The following PCDHGA4 variants were observed in gnomAD, a reference collection of about 807,000 sequenced individuals.
PCDHGA4 encodes the protein protocadherin gamma subfamily A, 4, also known as protocadherin gamma-A4.
Under a neutral mutation model 54.6 loss-of-function variants are expected in PCDHGA4, and 38 were observed. That is an observed-to-expected ratio of 0.70 (90% CI 0.54 to 0.91). PCDHGA4 has a LOEUF of 0.91. PCDHGA4 is among the 40% of genes least tolerant of loss of function. The pLI is 0.00. For missense variants in PCDHGA4, 1,298 were observed against 1,220.9 expected (o/e 1.06, Z -0.94); for synonymous variants, 511 against 512.9 (o/e 1.00, Z 0.05).
intron 1 of PCDHGA4, chr5:141,399,064 A>G: frequency 1.2e-6 from 2 of 1,613,762 alleles, no homozygotes; most frequent in Non-Finnish European, 1.7e-6. Flanking sequence ...GGAATATTCA[A>G]TGGTTGTAGA....
intron 1 of PCDHGA4, chr5:141,428,173 CGGA>C (rs770477048): frequency 1.3e-6 from 2 of 1,514,730 alleles, no homozygotes. Context: ...CTGTGCGTGA[CGGA>C]GGACAGCCGC....
chr5:141,403,333 C>G (rs376895778), intron 1 of PCDHGA4: 1 of 1,613,984 alleles, frequency 6.2e-7, no homozygotes, highest in South Asian at 1.1e-5. Context: ...CTGATATTAA[C>G]GACAGCGCCC....
chr5:141,474,405 G>C (rs2099348833), intron 1 of PCDHGA4, among the ~76,000 whole-genome samples: 1 of 152,196 alleles, frequency 6.6e-6, no homozygotes, highest in Admixed American at 6.5e-5. Context: ...AAGCTCCCCG[G>C]TGATGCCTAG....
intron 1 of PCDHGA4, chr5:141,378,086 T>G (rs1774615238): frequency 6.6e-6 from 1 of 150,862 alleles, no homozygotes. Context: ...TTTTATAACT[T>G]TTTTTCAAAC....
At position 141,491,099 on chromosome 5, in the gene PCDHGA4, T is replaced by C. The variant is rs1352561414; in HGVS notation, c.2515-3708T>C. 1 of 1,614,176 alleles carries C rather than the reference T, an allele frequency of 6.2e-7. No homozygotes were observed. ...CAGTCCACAGCCCCAGGACTGTTCC[T>C]CGTGTCTACACACACTGGTGAGGTG... On this transcript the variant is annotated intron_variant, in intron 1 of 3. Coordinates refer to ENST00000571252, the MANE Select transcript of PCDHGA4 (RefSeq NM_018917.4). The surrounding 1 kb of genome is among the most constrained non-coding windows in gnomAD (Gnocchi z 6.9).
chr5:141,415,739 G>A, intron 1 of PCDHGA4: 4 of 434,948 alleles, frequency 9.2e-6, no homozygotes, highest in Non-Finnish European at 1.3e-5. Context: ...TGTTTATTAA[G>A]GTTTTTTTTT....
chr5:141,468,920 A>G (rs2099185605), intron 1 of PCDHGA4, among the ~76,000 whole-genome samples: 1 of 151,612 alleles, frequency 6.6e-6, no homozygotes, highest in South Asian at 2.1e-4. Context: ...AGAAGAGAAT[A>G]GCACTAAAAT....
intron 1 of PCDHGA4, chr5:141,370,610 G>T (rs547118708): frequency 1.9e-6 from 3 of 1,613,986 alleles, no homozygotes; most frequent in Middle Eastern, 1.6e-4. Context: ...TTGCAGAGAA[G>T]AAATTCTTTA....
chr5:141,361,388 A>G (rs373182240), intron 1 of PCDHGA4: 1 of 1,613,880 alleles, frequency 6.2e-7, no homozygotes, highest in Non-Finnish European at 8.5e-7. Context: ...ATCCCAGAAT[A>G]CAATCTCACC....
intron 1 of PCDHGA4, chr5:141,365,631 C>G (rs973353724): frequency 6.2e-7 from 1 of 1,613,644 alleles, no homozygotes; most frequent in African/African-American, 1.3e-5. Flanking sequence ...CCCCTCTCTA[C>G]AGAAAGCCAC....
intron 1 of PCDHGA4, chr5:141,360,273 C>A (rs1007767889): frequency 6.2e-7 from 1 of 1,613,890 alleles, no homozygotes; most frequent in Non-Finnish European, 8.5e-7. Context: ...AAAACTCGGT[C>A]GTAGGAAACC....
At chr5:141,433,257 G>A (rs764036349) in intron 1 of PCDHGA4, 4 of 1,385,412 alleles carry the variant, frequency 2.9e-6, no homozygotes, top group Non-Finnish European at 4.0e-6. Context: ...GCAGCGGTAC[G>A]ATCATAGCTC....
intron 1 of PCDHGA4, chr5:141,409,456 C>T: frequency 1.2e-6 from 2 of 1,613,974 alleles, no homozygotes; most frequent in Middle Eastern, 3.3e-4. Context: ...CACCAGAATA[C>T]AATGTCACCA....
At chr5:141,379,106 T>C (rs1181116789) in intron 1 of PCDHGA4, 3 of 152,192 alleles carry the variant, frequency 2.0e-5, no homozygotes, top group Non-Finnish European at 4.4e-5. Context: ...AAAAAAGCAA[T>C]TGAGAAGATA....
At chr5:141,376,267 G>T (rs1021502624) in intron 1 of PCDHGA4, 2 of 1,614,210 alleles carry the variant, frequency 1.2e-6, no homozygotes. Flanking sequence ...TGCAGGCTTC[G>T]GGAGGTGGCT....
rs763160633 is a variant in PCDHGA4 at position 141,418,261 on chromosome 5, G to A, written c.2514+60640G>A. 3 of 1,614,056 alleles carry A rather than the reference G, an allele frequency of 1.9e-6. No homozygotes were observed. In the South Asian group the frequency reaches 3.3e-5, roughly 18 times the overall value. Reference sequence around the variant, plus strand: ...TTAATGACCACGCCCCTCAATTCCGGAAAGATGAAATAAACTTAGAAATCA... The same window carrying A: ...TTAATGACCACGCCCCTCAATTCCGAAAAGATGAAATAAACTTAGAAATCA... On this transcript the variant is annotated intron_variant, in intron 1 of 3. Coordinates refer to ENST00000571252, the MANE Select transcript of PCDHGA4 (RefSeq NM_018917.4).
chr5:141,371,949 G>A lies in PCDHGA4; in HGVS notation c.2514+14328G>A, dbSNP rs376332279. ...GAGCGGGGTGGTGTTCGCGCAGCGA[G>A]CCTTCGACCACGAGCAGCTGCGTGC... is the stretch of plus-strand genomic sequence containing the variant. On this transcript the variant is annotated intron_variant, in intron 1 of 3. Coordinates refer to ENST00000571252, the MANE Select transcript of PCDHGA4 (RefSeq NM_018917.4). 4.6e-5 allele frequency: 74 copies of A among 1,613,184 alleles called. No homozygotes were observed. The African/African-American group carries it at 9.1e-4, about 20-fold the overall frequency.
chr5:141,469,314 C>T (rs982242861), intron 1 of PCDHGA4, among the ~76,000 whole-genome samples: 3 of 152,100 alleles, frequency 2.0e-5, no homozygotes, highest in Admixed American at 1.3e-4. Context: ...CGATGGCTCA[C>T]GCCTGTAATC....
At chr5:141,499,323 GCTCT>G (rs1259902316) in intron 2 of PCDHGA4, among the ~76,000 whole-genome samples, 1 of 152,046 alleles carries the variant, frequency 6.6e-6, no homozygotes, top group East Asian at 1.9e-4. Context: ...CAGTATCCCT[GCTCT>G]CTCTCAGTTT....
Sources: allele counts gnomAD v4.1 joint callset (sites outside exome capture counted in the v4.1 genomes callset), GRCh38; gene constraint gnomAD v4.1.1; non-coding constraint Gnocchi (gnomAD v3.1); transcripts MANE v1.5; gene names NCBI Gene and HGNC (gene_info 2026-07-23, HGNC 2026-07-21).